Variants in ADGRD2 observed in about 807,000 individuals in gnomAD.
ADGRD2 encodes the protein adhesion G protein-coupled receptor D2.
A neutral mutation model predicts 44.4 loss-of-function variants in ADGRD2; 71 were observed. The observed-to-expected ratio is 1.60, with a 90% CI of 1.32 to 1.95. ADGRD2 has a LOEUF of 1.95. ADGRD2 is among the 30% of genes most tolerant of loss of function. The pLI, the probability that ADGRD2 is intolerant of heterozygous loss-of-function variation, is 0.00. For synonymous variants in ADGRD2, 481 were observed against 224.8 expected (o/e 2.14, Z -10.19); for missense variants, 1,039 against 512.4 (o/e 2.03, Z -9.92).
At chr9:124,451,015 G>A (rs951575440), upstream of ADGRD2, 1 of 470,360 alleles carries the variant, frequency 2.1e-6, no homozygotes, top group South Asian at 1.6e-5. Context: ...TGAGCACAGC[G>A]TCTGGCTGTG....
At chr9:124,453,821 T>C (rs1831557236) in intron 3 of ADGRD2, 145 bp downstream of exon 6, 1 of 608,338 alleles carries the variant, frequency 1.6e-6, no homozygotes, top group Non-Finnish European at 2.9e-6. Flanking sequence ...AGCTCCAGCA[T>C]AAACCTGGTC....
rs190957381 is a variant in ADGRD2, at chr9:124,455,036, G to T, written c.1304G>T (p.Gly435Val). ...GGGGACCCAGAGCTGTTGTTGACAGGCCCCTGGGAGCAGCTGAGCCAAGGC... is the reference window on the plus strand; with the variant it reads ...GGGGACCCAGAGCTGTTGTTGACAGTCCCCTGGGAGCAGCTGAGCCAAGGC... Residue 435 changes from glycine (G) to valine (V), a missense_variant, in exon 6 of 22, where the codon GGC becomes GTC. By Grantham distance (109) the Gly-to-Val change is moderately radical. Transcript: ENST00000334810. 753 of 718,256 alleles carry T rather than the reference G, an allele frequency of 1.0e-3. 2 individuals carry two copies. The African/African-American group carries it at 0.012, about 11-fold the overall frequency. 44.5% of individuals were successfully genotyped at this position (718,256 alleles called of 1,614,324 possible). A position where few individuals can be genotyped will look rare whatever the true frequency, so the allele number is the denominator to read the frequency against.
chr9:124,477,725 C>T (rs1442789176), intron 21 of ADGRD2, among the ~76,000 whole-genome samples: 1 of 152,206 alleles, frequency 6.6e-6, no homozygotes, highest in Non-Finnish European at 1.5e-5. Flanking sequence ...GGAGTCTCAG[C>T]TTCCCTTTCT....
exon 3 of ADGRD2, chr9:124,453,105 T>C (rs756950149): frequency 1.4e-6 from 1 of 700,350 alleles, no homozygotes; most frequent in Admixed American, 2.0e-5. Flanking sequence ...TGCGGAGCCC[T>C]CTGCCTGAGC....
Position 124,470,602 on chromosome 9 carries a change from C to A in ADGRD2, c.2748C>A (p.Leu916=), listed in dbSNP as rs1254626660. The change falls in exon 17 of 22, where the codon CTC becomes CTA. Residue 916 remains leucine, a synonymous_variant. Coordinates refer to ENST00000334810, the Ensembl canonical transcript of ADGRD2. ...CCTGGGCCTACGCTGCCGTGGGCCT[C>A]AACTCCATCCAGGTACCTCCAGCCC... The A allele has an allele frequency of 8.5e-6, 6 of 706,474 alleles. No homozygotes were observed. In the African/African-American group the frequency reaches 8.7e-5, roughly 10 times the overall value. The allele number at this position is 706,474 out of a possible 1,614,324, so 43.8% of individuals were successfully genotyped here.
At chr9:124,452,692 G>C (rs1588598431) in exon 2 of ADGRD2, 2 of 716,388 alleles carry the variant, frequency 2.8e-6, no homozygotes, top group East Asian at 5.4e-5. Context: ...GGGCCAAAGA[G>C]AGGCCCCTCT....
chr9:124,463,978 C>T (rs1207427787), intron 10 of ADGRD2, among the ~76,000 whole-genome samples: 1 of 152,122 alleles, frequency 6.6e-6, no homozygotes, highest in African/African-American at 2.4e-5. Flanking sequence ...GGTGGTACTG[C>T]AGGTCCATAC....
upstream of ADGRD2, among the ~76,000 whole-genome samples, chr9:124,450,588 C>T (rs562543558): frequency 6.6e-6 from 1 of 152,354 alleles, no homozygotes; most frequent in South Asian, 2.1e-4. Context: ...ATTGGCGCCT[C>T]GCGGAGGAGG....
upstream of ADGRD2, among the ~76,000 whole-genome samples, chr9:124,451,866 T>G (rs1267850114): frequency 6.6e-6 from 1 of 152,178 alleles, no homozygotes; most frequent in Admixed American, 6.5e-5. Flanking sequence ...GTGACCCCTC[T>G]TACTCATCAG....
In ADGRD2 at chr9:124,468,207, T is replaced by A. The variant is rs1311576553; in HGVS notation, c.2233+17T>A. The A allele has an allele frequency of 1.4e-6, 1 of 718,202 alleles. No individual in the cohort carries two copies. The allele number at this position is 718,202 out of a possible 1,614,324, so 44.5% of individuals were successfully genotyped here. On this transcript the variant is annotated intron_variant, in intron 13 of 21. Transcript: ENST00000334810. ...GCCAATGAGGTGGGCAGCCAGTGGG[T>A]GGGCTGGAAGCCCGGGGAAGCCTGG...
intron 17 of ADGRD2, among the ~76,000 whole-genome samples, chr9:124,471,978 C>A (rs13290767): frequency 0.011 from 1,645 of 152,358 alleles, 13 homozygotes; most frequent in Admixed American, 0.019. Context: ...GAGGCTTCTC[C>A]ACCTGTCACA....
intron 6 of ADGRD2, 118 bp from the exon 10 acceptor site, chr9:124,456,504 G>A: frequency 1.5e-6 from 1 of 648,904 alleles, no homozygotes; most frequent in Non-Finnish European, 2.8e-6. Flanking sequence ...AAGAGCCACG[G>A]AGGGTCTGGA....
At chr9:124,467,433 TC>T in intron 11 of ADGRD2, 1 of 385,242 alleles carries the variant, frequency 2.6e-6, no homozygotes, top group Non-Finnish European at 4.7e-6. Flanking sequence ...TACTCCATGG[TC>T]CCCGGGATCC....
chr9:124,458,026 G>T (rs994742403), intron 8 of ADGRD2, 87 bp from the exon 12 acceptor site: 3 of 697,316 alleles, frequency 4.3e-6, no homozygotes, highest in Non-Finnish European at 8.0e-6. Context: ...CCTATCTCTA[G>T]AGTGGGGAGA....
chr9:124,462,826 T>A (rs1293781740), intron 10 of ADGRD2, among the ~76,000 whole-genome samples: 1 of 152,186 alleles, frequency 6.6e-6, no homozygotes, highest in Non-Finnish European at 1.5e-5. Context: ...CACTTGCTCA[T>A]GTTGTCTGCC....
intron 10 of ADGRD2, chr9:124,466,049 A>G (rs2131247584): frequency 5.1e-6 from 2 of 392,770 alleles, no homozygotes; most frequent in Non-Finnish European, 9.2e-6. Flanking sequence ...TTGATAAATG[A>G]CAGTCACTGG....
chr9:124,467,340 CA>C (rs59651695), intron 11 of ADGRD2: 1,552 of 104,856 alleles, frequency 0.015, 5 homozygotes, highest in African/African-American at 0.028. Context: ...CTTGAAGCAA[CA>C]AAAAAAAAAA....
At chr9:124,464,842 A>G (rs1831788195) in intron 10 of ADGRD2, among the ~76,000 whole-genome samples, 4 of 152,068 alleles carry the variant, frequency 2.6e-5, no homozygotes, top group Admixed American at 2.0e-4. Context: ...ACAAGTATGC[A>G]GACCTTAATT....
exon 1 of ADGRD2, chr9:124,452,146 G>A: frequency 1.1e-5 from 8 of 717,408 alleles, no homozygotes; most frequent in Non-Finnish European, 2.1e-5. Flanking sequence ...AGGAACCCTT[G>A]GGCCCCAGGT....
Sources: allele counts gnomAD v4.1 joint callset (sites outside exome capture counted in the v4.1 genomes callset), GRCh38; gene constraint gnomAD v4.1.1; transcripts MANE v1.5; gene names NCBI Gene and HGNC (gene_info 2026-07-23, HGNC 2026-07-21).